PTBP2: variants seen among roughly 807,000 people sequenced by gnomAD.
PTBP2 encodes the protein polypyrimidine tract-binding protein 2.
Under a neutral mutation model 61.4 loss-of-function variants are expected in PTBP2, and 13 were observed. The observed-to-expected ratio is 0.21, with a 90% confidence interval of 0.14 to 0.34. PTBP2 has a LOEUF of 0.34. PTBP2 is among the 10% of genes least tolerant of loss of function. PTBP2 has a pLI of 1.00. For missense variants in PTBP2, 405 were observed against 642.6 expected, an observed-to-expected ratio of 0.63 and a Z score of 4.00; for synonymous variants, 215 against 218.5, an observed-to-expected ratio of 0.98 and a Z score of 0.14.
At chr1:96,768,142 C>G (rs1037719256) in intron 3 of PTBP2, among the ~76,000 whole-genome samples, 3 of 152,140 alleles carry the variant, frequency 2.0e-5, no homozygotes, top group African/African-American at 7.2e-5. Flanking sequence ...TTAAGCACAT[C>G]ACTGTTTTAC....
chr1:96,803,077 G>A (rs1419458899), intron 8 of PTBP2, among the ~76,000 whole-genome samples: 3 of 152,054 alleles, frequency 2.0e-5, no homozygotes, highest in Non-Finnish European at 4.4e-5. Context: ...CTTATGGGGA[G>A]GATAGTGAGA....
chr1:96,795,746 G>C (rs1660316725), intron 8 of PTBP2, among the ~76,000 whole-genome samples: 1 of 152,134 alleles, frequency 6.6e-6, no homozygotes, highest in African/African-American at 2.4e-5. Context: ...GAGGAAGTTT[G>C]CCATAGAAAG....
chr1:96,787,571 A>G (rs990945431), intron 8 of PTBP2, among the ~76,000 whole-genome samples: 3 of 152,160 alleles, frequency 2.0e-5, no homozygotes, highest in African/African-American at 7.2e-5. Context: ...CTTTTTAACT[A>G]TACTCAAAAA....
chr1:96,762,978 A>G (rs1256715533), intron 3 of PTBP2, among the ~76,000 whole-genome samples: 1 of 136,950 alleles, frequency 7.3e-6, no homozygotes, highest in South Asian at 2.4e-4. Flanking sequence ...ATCTCAGACG[A>G]TGGGCGGCCG....
chr1:96,752,691 C>G (rs986379536), intron 3 of PTBP2, among the ~76,000 whole-genome samples: 1 of 151,786 alleles, frequency 6.6e-6, no homozygotes, highest in East Asian at 1.9e-4. Flanking sequence ...ATACTGTGAT[C>G]GATAATGGGA....
chr1:96,750,956 C>T (rs1447474859), intron 2 of PTBP2, among the ~76,000 whole-genome samples: 1 of 151,932 alleles, frequency 6.6e-6, no homozygotes, highest in Non-Finnish European at 1.5e-5. Flanking sequence ...GGTGTTCTAG[C>T]CACTGAAGTA....
chr1:96,747,074 A>G (rs1377966733), intron 2 of PTBP2, among the ~76,000 whole-genome samples: 4 of 151,218 alleles, frequency 2.6e-5, no homozygotes, highest in African/African-American at 9.7e-5. Context: ...TAGATTTACA[A>G]TCCTTTCTCC....
chr1:96,743,884 A>G (rs1447036802), intron 2 of PTBP2, among the ~76,000 whole-genome samples: 1 of 152,072 alleles, frequency 6.6e-6, no homozygotes, highest in African/African-American at 2.4e-5. Flanking sequence ...GTGGGTTTTT[A>G]TTTTGTATGA....
Position 96,800,571 on chromosome 1 carries a change from A to G in PTBP2, c.905-4229A>G, listed in dbSNP as rs574957295. 1.8e-3 allele frequency among the ~76,000 whole-genome samples: 278 copies of G among 152,022 alleles called. 1 individual carries two copies. The highest frequency in any genetic ancestry group is 1.6e-3 in the Non-Finnish European group (112 of 67,948). ...ACATAGTGAGATCTCAGTCTCTACT[A>G]AAAATAAAAAAAATTAGCCATGCCT... On this transcript the variant is annotated intron_variant, in intron 8 of 13. Coordinates refer to ENST00000674951, the MANE Select transcript of PTBP2 (RefSeq NM_021190.4).
intron 7 of PTBP2, among the ~76,000 whole-genome samples, chr1:96,782,781 CGAT>C (rs1336358941): frequency 1.3e-5 from 2 of 151,860 alleles, no homozygotes; most frequent in African/African-American, 4.8e-5. Context: ...CAATAGTAAA[CGAT>C]GAGAAAAATG....
chr1:96,774,811 G>C (rs479267), intron 5 of PTBP2, among the ~76,000 whole-genome samples: 1 of 152,080 alleles, frequency 6.6e-6, no homozygotes, highest in Non-Finnish European at 1.5e-5. Context: ...TCATGCTCAG[G>C]CTAAAGGCCC....
intron 8 of PTBP2, among the ~76,000 whole-genome samples, chr1:96,792,459 A>T (rs1249991742): frequency 6.6e-6 from 1 of 152,092 alleles, no homozygotes; most frequent in Non-Finnish European, 1.5e-5. Flanking sequence ...CAAAGTCCGT[A>T]CTCCTGACTA....
rs376762150 is a variant in PTBP2 at position 96,756,964 on chromosome 1, A to G, written c.115+5464A>G. On this transcript the variant is annotated intron_variant, in intron 3 of 13. Transcript: ENST00000674951. ...TATAATGTGTCAGTGTAGGTTCATC[A>G]GTTGTAACAATGTGCCATCTGGTGG... is the stretch of plus-strand genomic sequence containing the variant. Among the ~76,000 whole-genome samples the G allele has an allele frequency of 5.9e-5, 9 of 152,282 alleles. No individual in the cohort carries two copies. The East Asian group carries it at 1.7e-3, about 29-fold the overall frequency.
At chr1:96,727,592 G>A (rs1650756105) in intron 2 of PTBP2, among the ~76,000 whole-genome samples, 1 of 152,056 alleles carries the variant, frequency 6.6e-6, no homozygotes, top group African/African-American at 2.4e-5. Context: ...ATATTGTAGT[G>A]TATATGAAGT....
intron 8 of PTBP2, among the ~76,000 whole-genome samples, chr1:96,790,899 T>C (rs1659714017): frequency 6.6e-6 from 1 of 152,140 alleles, no homozygotes; most frequent in Admixed American, 6.5e-5. Flanking sequence ...TAATTAAAAT[T>C]TAGAAATTTT....
exon 14 of PTBP2, chr1:96,823,709 TATAAA>T (rs1408310774): frequency 6.6e-6 from 1 of 152,144 alleles, no homozygotes; most frequent in African/African-American, 2.4e-5. Context: ...TTTTTATATA[TATAAA>T]AGTCATTAAA....
chr1:96,762,950 G>GGCAGCGGC (rs1656169700), intron 3 of PTBP2, among the ~76,000 whole-genome samples: 1 of 150,806 alleles, frequency 6.6e-6, no homozygotes, highest in African/African-American at 2.4e-5. Context: ...GGGGCGGCGG[G>GGCAGCGGC]GCAGCGGCGC....
intron 7 of PTBP2, among the ~76,000 whole-genome samples, chr1:96,784,363 T>C (rs1403809881): frequency 2.0e-5 from 3 of 152,096 alleles, no homozygotes; most frequent in Non-Finnish European, 1.5e-5. Context: ...AAATTGAGAT[T>C]CAGAGAGGTC....
chr1:96,788,878 A>G (rs898510605), intron 8 of PTBP2, among the ~76,000 whole-genome samples: 1 of 151,944 alleles, frequency 6.6e-6, no homozygotes, highest in African/African-American at 2.4e-5. Flanking sequence ...AGAAAATGTA[A>G]TTTGTTCAAA....
Sources: gnomAD v4.1 joint callset for allele counts (sites outside exome capture counted in the v4.1 genomes callset) on GRCh38, gnomAD v4.1.1 for gene constraint, MANE v1.5 for transcripts, NCBI Gene and HGNC (gene_info 2026-07-23, HGNC 2026-07-21) for gene names.